ATXN7L1: variants seen among roughly 807,000 people sequenced by gnomAD.
ATXN7L1 encodes the protein ataxin 7 like 1.
A neutral mutation model predicts 70.8 loss-of-function variants in ATXN7L1; 15 were observed. That is an observed-to-expected ratio of 0.21 (90% CI 0.14 to 0.33). The LOEUF (loss-of-function observed/expected upper bound fraction) is 0.33, where lower values mean the gene tolerates loss of function less well. Ranked by LOEUF, ATXN7L1 falls within the 10% of genes least tolerant of loss-of-function variation. The pLI is 1.00. For synonymous variants in ATXN7L1, 440 were observed against 445.1 expected (o/e 0.99, Z 0.14); for missense variants, 975 against 1,097.1 (o/e 0.89, Z 1.57).
At chr7:105,613,803 G>A (rs778931104) in intron 10 of ATXN7L1, 59 bp downstream of exon 10, 22 of 1,551,150 alleles carry the variant, frequency 1.4e-5, no homozygotes, top group African/African-American at 8.2e-5. Context: ...AAGCAGGGGC[G>A]CTGCCCAGCT....
At chr7:105,787,383 C>G (rs1025232889) in intron 3 of ATXN7L1, among the ~76,000 whole-genome samples, 2 of 152,164 alleles carry the variant, frequency 1.3e-5, no homozygotes, top group Non-Finnish European at 2.9e-5. Context: ...AGGGCCCTTG[C>G]TTTGCCTTGT....
intron 3 of ATXN7L1, among the ~76,000 whole-genome samples, chr7:105,715,642 G>T (rs1459625917): frequency 1.3e-5 from 2 of 152,230 alleles, no homozygotes; most frequent in African/African-American, 4.8e-5. Context: ...GTGGGTAGGG[G>T]TGCTCACTCA....
At chr7:105,712,919 C>T (rs1201211818) in intron 3 of ATXN7L1, among the ~76,000 whole-genome samples, 7 of 152,070 alleles carry the variant, frequency 4.6e-5, no homozygotes, top group Non-Finnish European at 7.4e-5. Flanking sequence ...CTGTATTAGC[C>T]CATTCTCATA....
intron 2 of ATXN7L1, among the ~76,000 whole-genome samples, chr7:105,803,360 C>A (rs2116520020): frequency 1.3e-5 from 2 of 152,362 alleles, no homozygotes; most frequent in South Asian, 4.1e-4. Context: ...CCTGCTGGGA[C>A]CCCATGAGTC....
chr7:105,772,832 T>C (rs1038765987), intron 3 of ATXN7L1, among the ~76,000 whole-genome samples: 1 of 152,150 alleles, frequency 6.6e-6, no homozygotes, highest in Non-Finnish European at 1.5e-5. Flanking sequence ...TAATACATGA[T>C]CTAAATTACA....
intron 3 of ATXN7L1, chr7:105,679,093 GAC>G (rs1164959341): frequency 1.0e-6 from 1 of 986,128 alleles, no homozygotes; most frequent in Non-Finnish European, 1.2e-6. Context: ...TAAGGAGGCT[GAC>G]ACACGCTGGG....
At chr7:105,663,871 C>T (rs1252125109) in intron 4 of ATXN7L1, among the ~76,000 whole-genome samples, 2 of 151,974 alleles carry the variant, frequency 1.3e-5, no homozygotes, top group Non-Finnish European at 2.9e-5. Context: ...GTTGAAGCAA[C>T]TCTCCTGCTT....
At chr7:105,816,570 C>G (rs1421816340) in intron 2 of ATXN7L1, among the ~76,000 whole-genome samples, 2 of 152,212 alleles carry the variant, frequency 1.3e-5, no homozygotes. Flanking sequence ...TGCAATGCTC[C>G]TTTCCCCACA....
At chr7:105,628,090 G>A (rs969406627) in intron 7 of ATXN7L1, among the ~76,000 whole-genome samples, 4 of 150,970 alleles carry the variant, frequency 2.6e-5, no homozygotes, top group Admixed American at 6.6e-5. Flanking sequence ...TGATCCACCC[G>A]TCTCGGCCTC....
At chr7:105,643,263 G>A in intron 4 of ATXN7L1, 142 bp from the exon 5 acceptor site, 1 of 1,016,084 alleles carries the variant, frequency 9.8e-7, no homozygotes, top group Non-Finnish European at 1.4e-6. Context: ...CATGAGTCCA[G>A]TTTTGATGGG....
intron 2 of ATXN7L1, among the ~76,000 whole-genome samples, chr7:105,868,404 A>T (rs765566246): frequency 6.6e-6 from 1 of 152,184 alleles, no homozygotes; most frequent in Non-Finnish European, 1.5e-5. Flanking sequence ...GGTCAAACAC[A>T]TAAGGGAGGC....
intron 3 of ATXN7L1, 100 bp from the exon 4 acceptor site, chr7:105,665,388 G>T: frequency 1.0e-6 from 1 of 974,912 alleles, no homozygotes; most frequent in Non-Finnish European, 1.6e-6. Context: ...GGAGAGAAGC[G>T]CTTTCCCTAC....
At chr7:105,743,237 G>A in intron 3 of ATXN7L1, among the ~76,000 whole-genome samples, 1 of 152,172 alleles carries the variant, frequency 6.6e-6, no homozygotes, top group Non-Finnish European at 1.5e-5. Flanking sequence ...AAATAAAGGA[G>A]AAGAAGAAAA....
chr7:105,838,379 A>G lies in ATXN7L1; in HGVS notation c.250+37433T>C, dbSNP rs573882091. Among the ~76,000 whole-genome samples the G allele has an allele frequency of 1.4e-4, 21 of 152,316 alleles. 1 individual carries two copies. The highest frequency in any genetic ancestry group is 3.4e-3 in the Middle Eastern group (1 of 294). On this transcript the variant is annotated intron_variant, in intron 2 of 11. Coordinates refer to ENST00000419735, the MANE Select transcript of ATXN7L1 (RefSeq NM_020725.2). ...GGAAAATACCTATACCAGGAGGGAGATGGTTTAATGGAAAAAGCATTTCAA... is the reference window on the plus strand; with the variant it reads ...GGAAAATACCTATACCAGGAGGGAGGTGGTTTAATGGAAAAAGCATTTCAA...
intron 2 of ATXN7L1, among the ~76,000 whole-genome samples, chr7:105,815,864 T>C (rs2116551636): frequency 6.6e-6 from 1 of 152,312 alleles, no homozygotes; most frequent in South Asian, 2.1e-4. Flanking sequence ...AGGATGCTTG[T>C]GAGCGTTTGG....
At chr7:105,673,559 T>C (rs1424436146) in intron 3 of ATXN7L1, among the ~76,000 whole-genome samples, 6 of 152,232 alleles carry the variant, frequency 3.9e-5, no homozygotes, top group Admixed American at 3.9e-4. Flanking sequence ...TTCTATCTTA[T>C]CAGTGGGTTC....
At chr7:105,646,899 G>T (rs1022587993) in intron 4 of ATXN7L1, among the ~76,000 whole-genome samples, 3 of 151,916 alleles carry the variant, frequency 2.0e-5, no homozygotes, top group Non-Finnish European at 1.5e-5. Flanking sequence ...AGCTAGGATT[G>T]TGCCACTGTA....
intron 3 of ATXN7L1, among the ~76,000 whole-genome samples, chr7:105,709,693 G>A (rs147002498): frequency 6.6e-6 from 1 of 152,006 alleles, no homozygotes; most frequent in East Asian, 1.9e-4. Flanking sequence ...CACCAGAAAG[G>A]CTTGCCTACA....
intron 6 of ATXN7L1, 111 bp from the exon 7 acceptor site, chr7:105,638,720 A>C: frequency 7.3e-7 from 1 of 1,365,274 alleles, no homozygotes; most frequent in Non-Finnish European, 9.7e-7. Flanking sequence ...AGGTGCTTGA[A>C]AAGTCAACTT....
Sources: allele counts gnomAD v4.1 joint callset (sites outside exome capture counted in the v4.1 genomes callset), GRCh38; gene constraint gnomAD v4.1.1; transcripts MANE v1.5; gene names NCBI Gene and HGNC (gene_info 2026-07-23, HGNC 2026-07-21).